The following AGBL1 variants were observed in gnomAD, a reference collection of about 807,000 sequenced individuals.
AGBL1 encodes cytosolic carboxypeptidase 4.
In AGBL1, 130 loss-of-function variants were observed where a neutral mutation model predicts 118.9. The ratio of observed to expected loss-of-function variants is 1.09; its 90% CI spans 0.95 to 1.26. The LOEUF (loss-of-function observed/expected upper bound fraction) is 1.26. Ranked by LOEUF, AGBL1 falls within the 50% of genes most tolerant of loss-of-function variation. The pLI is 0.00. For synonymous variants in AGBL1, 555 were observed against 478.9 expected (o/e 1.16, Z -2.08); for missense variants, 1,584 against 1,298.1 (o/e 1.22, Z -3.38).
intron 18 of AGBL1, among the ~76,000 whole-genome samples, chr15:86,449,981 G>T (rs959318943): frequency 6.6e-6 from 1 of 152,076 alleles, no homozygotes; most frequent in Non-Finnish European, 1.5e-5. Context: ...GGCATTTCAA[G>T]CTTCCCTTCT....
chr15:86,383,479 C>T (rs974127441), intron 17 of AGBL1, among the ~76,000 whole-genome samples: 1 of 151,752 alleles, frequency 6.6e-6, no homozygotes, highest in Non-Finnish European at 1.5e-5. Flanking sequence ...CCCAGCTACT[C>T]GGGAGGCTGA....
chr15:86,897,703 A>T (rs1033428887), intron 22 of AGBL1, among the ~76,000 whole-genome samples: 1 of 150,078 alleles, frequency 6.7e-6, no homozygotes, highest in Admixed American at 6.6e-5. Context: ...TATGGTTTCC[A>T]TAAATTTTAA....
At chr15:86,726,039 G>T (rs553592729) in intron 22 of AGBL1, among the ~76,000 whole-genome samples, 2 of 152,316 alleles carry the variant, frequency 1.3e-5, no homozygotes, top group South Asian at 2.1e-4. Context: ...CCAATGAACA[G>T]ATAAATGTGA....
intron 6 of AGBL1, among the ~76,000 whole-genome samples, chr15:86,227,567 A>G (rs115082189): frequency 2.4e-3 from 361 of 152,374 alleles, no homozygotes; most frequent in Middle Eastern, 6.8e-3. Context: ...GACTCTGCCA[A>G]ATATCCCCCA....
intron 6 of AGBL1, among the ~76,000 whole-genome samples, chr15:86,245,835 A>C (rs2078711218): frequency 2.0e-5 from 3 of 152,190 alleles, no homozygotes; most frequent in Admixed American, 2.0e-4. Flanking sequence ...CTCTTGTTGA[A>C]CATCCTTAAC....
At chr15:86,828,932 A>G (rs1259551459) in intron 22 of AGBL1, among the ~76,000 whole-genome samples, 2 of 148,088 alleles carry the variant, frequency 1.4e-5, no homozygotes, top group African/African-American at 2.5e-5. Context: ...ATATATATAT[A>G]TATATATATA....
At chr15:86,658,700 G>A (rs1201376823) in intron 21 of AGBL1, among the ~76,000 whole-genome samples, 1 of 152,168 alleles carries the variant, frequency 6.6e-6, no homozygotes, top group Non-Finnish European at 1.5e-5. Context: ...TGTGGATACA[G>A]AAAGCCATAG....
chr15:86,972,039 GTA>G (rs2081113984), intron 23 of AGBL1, among the ~76,000 whole-genome samples: 1 of 151,952 alleles, frequency 6.6e-6, no homozygotes. Flanking sequence ...ATGCTGAACT[GTA>G]AGTCAATTAA....
chr15:86,970,129 G>A (rs369586711), intron 23 of AGBL1, among the ~76,000 whole-genome samples: 11 of 151,924 alleles, frequency 7.2e-5, no homozygotes, highest in African/African-American at 2.2e-4. Context: ...TTTCAATTGC[G>A]GAGGAAGTGG....
At chr15:86,194,501 G>A (rs567947270) in intron 5 of AGBL1, among the ~76,000 whole-genome samples, 11 of 152,270 alleles carry the variant, frequency 7.2e-5, no homozygotes, top group Admixed American at 3.3e-4. Context: ...ATGTACTTCA[G>A]GATTTCCATG....
chr15:86,416,820 A>T (rs534065697), intron 18 of AGBL1, among the ~76,000 whole-genome samples: 19 of 152,318 alleles, frequency 1.2e-4, no homozygotes, highest in African/African-American at 4.6e-4. Context: ...TTTTCATTGT[A>T]TGGAAAAAGA....
At chr15:86,857,109 C>G (rs374124978) in intron 22 of AGBL1, among the ~76,000 whole-genome samples, 2 of 152,282 alleles carry the variant, frequency 1.3e-5, no homozygotes, top group African/African-American at 4.8e-5. Flanking sequence ...AATTTCTGTA[C>G]GTTTTATGTG....
intron 21 of AGBL1, among the ~76,000 whole-genome samples, chr15:86,561,686 T>C (rs1446908173): frequency 6.6e-6 from 1 of 152,230 alleles, no homozygotes; most frequent in East Asian, 1.9e-4. Flanking sequence ...TCCAATTCTG[T>C]GAAGAAAGTC....
chr15:86,642,745 C>A (rs2085213429), intron 21 of AGBL1, among the ~76,000 whole-genome samples: 1 of 151,996 alleles, frequency 6.6e-6, no homozygotes, highest in Non-Finnish European at 1.5e-5. Flanking sequence ...TTTAAGATTT[C>A]ACATCTATGT....
At chr15:86,779,284 G>A (rs1038394423) in intron 22 of AGBL1, among the ~76,000 whole-genome samples, 4 of 152,178 alleles carry the variant, frequency 2.6e-5, no homozygotes, top group Non-Finnish European at 5.9e-5. Flanking sequence ...CACAGAATCT[G>A]CCAGTGCCTT....
At chr15:86,468,841 C>A (rs146559056) in intron 18 of AGBL1, among the ~76,000 whole-genome samples, 168 of 152,254 alleles carry the variant, frequency 1.1e-3, no homozygotes, top group African/African-American at 3.9e-3. Flanking sequence ...AACTATTCAT[C>A]TTGAAGCTGA....
intron 1 of AGBL1, among the ~76,000 whole-genome samples, chr15:86,132,692 A>G (rs569646212): frequency 6.6e-6 from 1 of 152,352 alleles, no homozygotes; most frequent in East Asian, 1.9e-4. Flanking sequence ...TAGCATTATT[A>G]TGATGACCGG....
At chr15:86,658,357 A>T (rs1010287515) in intron 21 of AGBL1, among the ~76,000 whole-genome samples, 3 of 152,138 alleles carry the variant, frequency 2.0e-5, no homozygotes, top group African/African-American at 7.2e-5. Flanking sequence ...CTTACTATAT[A>T]TTTTTGCAAA....
chr15:86,924,713 G>C (rs527829735), intron 23 of AGBL1, among the ~76,000 whole-genome samples: 2 of 152,238 alleles, frequency 1.3e-5, no homozygotes, highest in South Asian at 4.2e-4. Context: ...GCAGCGGATA[G>C]TTTCCATGTG....
Sources: gnomAD v4.1 joint callset for allele counts (sites outside exome capture counted in the v4.1 genomes callset) on GRCh38, gnomAD v4.1.1 for gene constraint, MANE v1.5 for transcripts, NCBI Gene and HGNC (gene_info 2026-07-23, HGNC 2026-07-21) for gene names.